Variants in GABRB1 observed in about 807,000 individuals in gnomAD.
GABRB1 encodes the protein gamma-aminobutyric acid receptor subunit beta-1.
GABRB1 carries 17 observed loss-of-function variants against 51.6 expected under a neutral mutation model. The ratio of observed to expected loss-of-function variants is 0.33; its 90% CI spans 0.23 to 0.49. The LOEUF (loss-of-function observed/expected upper bound fraction) is 0.49. Ranked by LOEUF, GABRB1 falls within the 20% of genes least tolerant of loss-of-function variation. The pLI is 0.99. For synonymous variants in GABRB1, 247 were observed against 218.9 expected (o/e 1.13, Z -1.14); for missense variants, 410 against 600.6 (o/e 0.68, Z 3.32).
chr4:47,221,183 A>C (rs899521900), intron 4 of GABRB1, among the ~76,000 whole-genome samples: 1 of 151,992 alleles, frequency 6.6e-6, no homozygotes, highest in Non-Finnish European at 1.5e-5. Context: ...CATCTTTTCC[A>C]TGAAGACTGC....
chr4:47,391,490 C>T (rs1727989838), intron 5 of GABRB1, among the ~76,000 whole-genome samples: 1 of 152,204 alleles, frequency 6.6e-6, no homozygotes, highest in African/African-American at 2.4e-5. Context: ...AAGCGGCAAA[C>T]CATCACTGAC....
At chr4:47,200,392 A>G (rs1719852798) in intron 4 of GABRB1, among the ~76,000 whole-genome samples, 1 of 152,188 alleles carries the variant, frequency 6.6e-6, no homozygotes, top group Non-Finnish European at 1.5e-5. Flanking sequence ...AGGACATTGG[A>G]AGGATCATCT....
intron 4 of GABRB1, among the ~76,000 whole-genome samples, chr4:47,203,291 T>G (rs781479305): frequency 3.9e-5 from 6 of 152,176 alleles, no homozygotes; most frequent in Non-Finnish European, 7.3e-5. Flanking sequence ...AAACAATTTC[T>G]GTGATTCCAT....
At chr4:47,101,785 T>A (rs887283061) in intron 3 of GABRB1, among the ~76,000 whole-genome samples, 1 of 152,014 alleles carries the variant, frequency 6.6e-6, no homozygotes. Flanking sequence ...ATCAATCAAA[T>A]GATAGAGAGA....
intron 4 of GABRB1, among the ~76,000 whole-genome samples, chr4:47,281,660 T>C (rs997405177): frequency 6.6e-6 from 1 of 152,174 alleles, no homozygotes; most frequent in African/African-American, 2.4e-5. Flanking sequence ...TTTATCAATG[T>C]ATGAATGGAT....
At chr4:47,161,554 G>A (rs1717956209) in intron 4 of GABRB1, 85 bp downstream of exon 4, 1 of 1,021,730 alleles carries the variant, frequency 9.8e-7, no homozygotes, top group South Asian at 1.4e-5. Context: ...GGGGAGAGAA[G>A]CAAGAATATA....
intron 5 of GABRB1, among the ~76,000 whole-genome samples, chr4:47,372,688 A>G (rs1250377893): frequency 6.6e-6 from 1 of 152,160 alleles, no homozygotes; most frequent in South Asian, 2.1e-4. Flanking sequence ...GTCTTTGCTT[A>G]GTGGATGAGT....
chr4:47,217,074 A>T (rs55849892), intron 4 of GABRB1, among the ~76,000 whole-genome samples: 2 of 151,942 alleles, frequency 1.3e-5, no homozygotes, highest in East Asian at 3.9e-4. Flanking sequence ...TAAACTCATT[A>T]TAATAAATAG....
intron 3 of GABRB1, among the ~76,000 whole-genome samples, chr4:47,117,113 A>G (rs966056696): frequency 6.6e-6 from 1 of 152,164 alleles, no homozygotes; most frequent in Non-Finnish European, 1.5e-5. Flanking sequence ...AGCAAGCATA[A>G]TAAAACACAA....
Position 47,335,350 on chromosome 4 carries a change from AT to A in GABRB1, c.544+15142del, listed in dbSNP as rs563197731. Among the ~76,000 whole-genome samples the A allele has an allele frequency of 1.8e-3, 273 of 152,154 alleles. 1 individual carries two copies. Among genetic ancestry groups the A allele is most frequent in the Non-Finnish European group, 3.2e-3 (218 of 67,990 alleles). On this transcript the variant is annotated intron_variant, in intron 5 of 8. Coordinates refer to ENST00000295454, the MANE Select transcript of GABRB1 (RefSeq NM_000812.4). ...TATATCTTCCTCTTTGAATTTGTAC[AT>A]GTTATATGTAGAGGGAAGGTATGTT...
intron 5 of GABRB1, among the ~76,000 whole-genome samples, chr4:47,384,146 T>G (rs1183737068): frequency 6.6e-6 from 1 of 152,016 alleles, no homozygotes; most frequent in Non-Finnish European, 1.5e-5. Flanking sequence ...CACGTAAAAT[T>G]TTTGAAAGAA....
intron 4 of GABRB1, among the ~76,000 whole-genome samples, chr4:47,270,749 G>A (rs573916677): frequency 9.3e-6 from 1 of 107,274 alleles, no homozygotes; most frequent in Non-Finnish European, 1.9e-5. Context: ...GTATAGGCAA[G>A]AGATTGTCAA....
At chr4:47,046,642 G>A (rs148566781) in intron 3 of GABRB1, among the ~76,000 whole-genome samples, 283 of 152,146 alleles carry the variant, frequency 1.9e-3, no homozygotes, top group African/African-American at 5.9e-3. Flanking sequence ...GAGATATGCA[G>A]GAGAAGAATA....
In GABRB1 at chr4:47,032,668, G is replaced by C. The variant is rs545206085; in HGVS notation, c.240+184G>C. ...CCTGGTTTGTAATTTCGACACACAC[G>C]GGCTACTGCGGTGTTCCAGGGGAAA... is the stretch of plus-strand genomic sequence containing the variant. On this transcript the variant is annotated intron_variant, in intron 3 of 8. Transcript: ENST00000295454. 760 of 719,400 alleles carry C rather than the reference G, an allele frequency of 1.1e-3. 15 individuals are homozygous for C. Among genetic ancestry groups the C allele is most frequent in the South Asian group, 0.01 (692 of 67,398 alleles). The allele number at this position is 719,400 out of a possible 1,614,324, so 44.6% of individuals were successfully genotyped here. A position where few individuals can be genotyped will look rare whatever the true frequency, so the allele number is the denominator to read the frequency against.
intron 5 of GABRB1, among the ~76,000 whole-genome samples, chr4:47,353,021 G>T (rs187618287): frequency 1.1e-4 from 16 of 152,278 alleles, no homozygotes; most frequent in African/African-American, 3.6e-4. Flanking sequence ...CAGAATCGTG[G>T]CAGGAGGCAA....
chr4:47,265,361 T>C (rs1050875106), intron 4 of GABRB1, among the ~76,000 whole-genome samples: 1 of 152,178 alleles, frequency 6.6e-6, no homozygotes, highest in African/African-American at 2.4e-5. Flanking sequence ...TTCATTGATG[T>C]ACACTTAGGT....
chr4:47,076,528 TCTGAGTTGTTG>T (rs1239249170), intron 3 of GABRB1, among the ~76,000 whole-genome samples: 1 of 152,142 alleles, frequency 6.6e-6, no homozygotes, highest in Admixed American at 6.6e-5. Flanking sequence ...CCAAAGCGGC[TCTGAGTTGTTG>T]CTGTGGAGGC....
intron 4 of GABRB1, among the ~76,000 whole-genome samples, chr4:47,296,954 C>T (rs1296573605): frequency 2.0e-5 from 3 of 152,180 alleles, no homozygotes; most frequent in Non-Finnish European, 4.4e-5. Context: ...AATTAAGAAA[C>T]TCACTCAAAA....
chr4:47,368,808 T>C (rs1489866514), intron 5 of GABRB1, among the ~76,000 whole-genome samples: 2 of 152,126 alleles, frequency 1.3e-5, no homozygotes, highest in African/African-American at 2.4e-5. Flanking sequence ...ACTGAAACTT[T>C]CATAAAAAGT....
Sources: gnomAD v4.1 joint callset for allele counts (sites outside exome capture counted in the v4.1 genomes callset) on GRCh38, gnomAD v4.1.1 for gene constraint, MANE v1.5 for transcripts, NCBI Gene and HGNC (gene_info 2026-07-23, HGNC 2026-07-21) for gene names.